The following PDE1A variants were observed in gnomAD, a reference collection of about 807,000 sequenced individuals.
The protein encoded by PDE1A is dual specificity calcium/calmodulin-dependent 3',5'-cyclic nucleotide phosphodiesterase 1A.
Under a neutral mutation model 61.7 loss-of-function variants are expected in PDE1A, and 35 were observed. The observed-to-expected ratio is 0.57, with a 90% CI of 0.43 to 0.75. The LOEUF (loss-of-function observed/expected upper bound fraction) is 0.75. PDE1A is among the 30% of genes least tolerant of loss of function. The probability of loss-of-function intolerance (pLI) is 0.00; values close to 1 mark genes in which losing one functional copy is unlikely to be tolerated. For synonymous variants in PDE1A, 232 were observed against 213.2 expected, an observed-to-expected ratio of 1.09 and a Z score of -0.77; for missense variants, 597 against 630.6, an observed-to-expected ratio of 0.95 and a Z score of 0.57.
chr2:182,692,103 G>T, the PDE1A span, among the ~76,000 whole-genome samples: 1 of 152,144 alleles, frequency 6.6e-6, no homozygotes. Context: ...AACCATTGTG[G>T]AAGACAGTGT....
At chr2:182,450,714 C>T (rs1229496341) in intron 2 of PDE1A, among the ~76,000 whole-genome samples, 1 of 151,468 alleles carries the variant, frequency 6.6e-6, no homozygotes, top group Non-Finnish European at 1.5e-5. Context: ...ATTTCTTCAT[C>T]AGAGAGATGT....
At chr2:182,587,690 T>C in the PDE1A span, among the ~76,000 whole-genome samples, 1 of 152,186 alleles carries the variant, frequency 6.6e-6, no homozygotes, top group Admixed American at 6.5e-5. Context: ...TCTACTGACT[T>C]CCCCTTTCTT....
chr2:182,202,862 TAAA>T (rs1340496074), intron 8 of PDE1A, among the ~76,000 whole-genome samples: 1 of 152,192 alleles, frequency 6.6e-6, no homozygotes, highest in African/African-American at 2.4e-5. Context: ...ACAGATAAGT[TAAA>T]AAAGTCACTT....
chr2:182,575,070 C>T, the PDE1A span, among the ~76,000 whole-genome samples: 1 of 152,162 alleles, frequency 6.6e-6, no homozygotes. Flanking sequence ...TGACTACCTT[C>T]TTCTACGACC....
intron 2 of PDE1A, among the ~76,000 whole-genome samples, chr2:182,505,146 A>T (rs1253493172): frequency 2.0e-5 from 3 of 152,250 alleles, no homozygotes; most frequent in African/African-American, 7.2e-5. Context: ...CTGCAAGGCC[A>T]CATGAGGCCA....
intron 2 of PDE1A, among the ~76,000 whole-genome samples, chr2:182,444,752 G>T (rs1685025142): frequency 6.6e-6 from 1 of 151,850 alleles, no homozygotes; most frequent in African/African-American, 2.4e-5. Context: ...TACTAAAAAA[G>T]AAATCGTCAT....
intron 1 of PDE1A, among the ~76,000 whole-genome samples, chr2:182,391,723 G>A (rs866081262): frequency 1.3e-5 from 2 of 152,158 alleles, no homozygotes; most frequent in African/African-American, 4.8e-5. Flanking sequence ...TCAAAGGCAA[G>A]GTGGGTGTAG....
intron 11 of PDE1A, among the ~76,000 whole-genome samples, chr2:182,187,332 G>A (rs79428315): frequency 0.015 from 2,240 of 152,284 alleles, 31 homozygotes; most frequent in South Asian, 0.057. Flanking sequence ...TCCTCTGGGA[G>A]CATTTTCCAT....
chr2:182,559,154 C>T, the PDE1A span, among the ~76,000 whole-genome samples: 5 of 152,080 alleles, frequency 3.3e-5, no homozygotes, highest in African/African-American at 1.2e-4. Flanking sequence ...ACCATTATAA[C>T]ATTAAAATTA....
chr2:182,477,573 G>T (rs1445594547), intron 2 of PDE1A, among the ~76,000 whole-genome samples: 1 of 151,848 alleles, frequency 6.6e-6, no homozygotes, highest in Admixed American at 6.6e-5. Context: ...TCCACATATG[G>T]TAAGTGCCAT....
the PDE1A span, among the ~76,000 whole-genome samples, chr2:182,544,723 A>G: frequency 6.6e-6 from 1 of 152,202 alleles, no homozygotes; most frequent in Non-Finnish European, 1.5e-5. Flanking sequence ...CATTACAGTT[A>G]CTGGCCTTGC....
chr2:182,695,716 AAAGAT>A, the PDE1A span, among the ~76,000 whole-genome samples: 1 of 152,012 alleles, frequency 6.6e-6, no homozygotes, highest in South Asian at 2.1e-4. Flanking sequence ...AAAAAAAAGA[AAAGAT>A]AAGCCACAAC....
At chr2:182,715,345 G>C in the PDE1A span, among the ~76,000 whole-genome samples, 1 of 152,094 alleles carries the variant, frequency 6.6e-6, no homozygotes, top group African/African-American at 2.4e-5. Context: ...TATTACATCA[G>C]GCTGCTTCTA....
intron 1 of PDE1A, among the ~76,000 whole-genome samples, chr2:182,355,207 T>C (rs1192130516): frequency 6.6e-6 from 1 of 151,986 alleles, no homozygotes; most frequent in Non-Finnish European, 1.5e-5. Context: ...GTTATATCAA[T>C]TGCTGAATTA....
exon 3 of PDE1A, chr2:182,240,245 G>A: frequency 6.2e-7 from 1 of 1,612,486 alleles, no homozygotes; most frequent in Admixed American, 1.7e-5. Context: ...AGATGGGACT[G>A]AGTCAGTCTG....
chr2:182,208,345 C>T (rs894830576), intron 7 of PDE1A, among the ~76,000 whole-genome samples: 2 of 152,094 alleles, frequency 1.3e-5, no homozygotes, highest in Admixed American at 1.3e-4. Context: ...TCTTAAATGG[C>T]AGCAGGAGAG....
intron 1 of PDE1A, among the ~76,000 whole-genome samples, chr2:182,425,213 C>T (rs1374845608): frequency 6.6e-6 from 1 of 152,194 alleles, no homozygotes; most frequent in East Asian, 1.9e-4. Context: ...CCTTTCCAAA[C>T]TGCTGTGGGT....
intron 10 of PDE1A, among the ~76,000 whole-genome samples, chr2:182,195,977 C>T (rs959415176): frequency 2.0e-5 from 3 of 152,044 alleles, no homozygotes; most frequent in Admixed American, 6.6e-5. Context: ...GCTTATTTAC[C>T]TCCAAAGGTG....
At chr2:182,659,926 C>G in the PDE1A span, among the ~76,000 whole-genome samples, 2 of 152,202 alleles carry the variant, frequency 1.3e-5, no homozygotes, top group African/African-American at 4.8e-5. Context: ...TGTAAACACT[C>G]TAACATATTC....
Sources: allele counts gnomAD v4.1 joint callset (sites outside exome capture counted in the v4.1 genomes callset), GRCh38; gene constraint gnomAD v4.1.1; transcripts MANE v1.5; gene names NCBI Gene and HGNC (gene_info 2026-07-23, HGNC 2026-07-21).